The following AARSD1 variants were observed in gnomAD, a reference collection of about 807,000 sequenced individuals.
AARSD1 encodes alanyl-tRNA synthetase domain containing 1, also known as alanyl-tRNA editing protein Aarsd1.
AARSD1 carries 44 observed loss-of-function variants against 48.7 expected under a neutral mutation model. The observed-to-expected ratio is 0.90, with a 90% CI of 0.71 to 1.16. The LOEUF (loss-of-function observed/expected upper bound fraction) is 1.16, where lower values mean the gene tolerates loss of function less well. Among genes scored for constraint, AARSD1 ranks in the 50% most tolerant of loss-of-function variants. AARSD1 has a pLI of 0.00. For synonymous variants in AARSD1, 189 were observed against 194.9 expected (o/e 0.97, Z 0.25); for missense variants, 511 against 523.1 (o/e 0.98, Z 0.23).
In AARSD1 at chr17:42,950,576, G is replaced by A. The variant is rs1187563930; in HGVS notation, c.*17C>T. The A allele has an allele frequency of 1.9e-6, 3 of 1,582,450 alleles. No homozygotes were observed. Among genetic ancestry groups the A allele is most frequent in the East Asian group, 4.5e-5 (2 of 44,268 alleles). On this transcript the variant is annotated 3_prime_UTR_variant, in exon 12 of 12. Coordinates refer to ENST00000427569, the MANE Select transcript of AARSD1 (RefSeq NM_001261434.2). ...CAAAAGATTCCTGTGGAAACAGGAG[G>A]TGAGTGCCCTAAGCCCTCACTCCTT...
intron 2 of AARSD1, among the ~76,000 whole-genome samples, chr17:42,962,985 T>C (rs1158217336): frequency 6.6e-6 from 1 of 152,116 alleles, no homozygotes; most frequent in Non-Finnish European, 1.5e-5. Flanking sequence ...ATCAGGCCAC[T>C]GCACTCCAGC....
intron 3 of AARSD1, among the ~76,000 whole-genome samples, chr17:42,960,098 G>A (rs977088981): frequency 3.2e-4 from 49 of 151,928 alleles, no homozygotes; most frequent in Middle Eastern, 6.8e-3. Flanking sequence ...GTGAAACACC[G>A]TCTCTACTAA....
At chr17:42,959,665 T>C (rs958297767) in intron 3 of AARSD1, among the ~76,000 whole-genome samples, 5 of 150,936 alleles carry the variant, frequency 3.3e-5, no homozygotes, top group Admixed American at 3.3e-4. Context: ...GCCATTTCTC[T>C]TTTCTTTTTT....
Position 42,956,479 on chromosome 17 carries a change from G to T in AARSD1, c.471C>A (p.Ser157Arg). The change falls in exon 5 of 12, where the codon AGC becomes AGA. Residue 157 changes from serine (S) to arginine (R), a missense_variant. Transcript: ENST00000427569. ...TAEQVAAIEQ[S>R]VNEKIRDRLP... ...GCCGATCTCTGATTTTTTCATTGAC[G>T]CTCTGCTCAATGGCAGCTACTTGCT... 1 of 1,613,862 alleles carries T rather than the reference G, an allele frequency of 6.2e-7. No individual in the cohort carries two copies.
intron 3 of AARSD1, 80 bp from the exon 4 acceptor site, chr17:42,957,275 T>C (rs2049571472): frequency 1.9e-6 from 3 of 1,569,860 alleles, no homozygotes; most frequent in African/African-American, 1.4e-5. Flanking sequence ...GCTACAATGA[T>C]AAAAGCACAG....
intron 6 of AARSD1, 42 bp downstream of exon 6, chr17:42,956,162 C>A: frequency 3.1e-6 from 5 of 1,613,520 alleles, no homozygotes; most frequent in Non-Finnish European, 4.2e-6. Context: ...CCCTCTCCCC[C>A]AATCCCTCTT....
rs1389847422 is a variant in AARSD1 at position 42,950,545 on chromosome 17, A to G, written c.*48T>C. ...CAACCATTCTGAGTCAATCTATTTT[A>G]TTGACCAAAAGATTCCTGTGGAAAC... is the stretch of plus-strand genomic sequence containing the variant. On this transcript the variant is annotated 3_prime_UTR_variant, in exon 12 of 12. Coordinates refer to ENST00000427569, the MANE Select transcript of AARSD1 (RefSeq NM_001261434.2). 2 of 1,562,380 alleles carry G rather than the reference A, an allele frequency of 1.3e-6. No individual in the cohort carries two copies. The highest frequency in any genetic ancestry group is 2.3e-5 in the East Asian group (1 of 44,020).
At chr17:42,960,753 C>T (rs758556949) in intron 3 of AARSD1, among the ~76,000 whole-genome samples, 2 of 149,302 alleles carry the variant, frequency 1.3e-5, no homozygotes, top group Admixed American at 1.3e-4. Flanking sequence ...AAGAAACCAA[C>T]AGGACTCAGT....
intron 3 of AARSD1, among the ~76,000 whole-genome samples, chr17:42,958,720 G>A (rs185378630): frequency 5.7e-4 from 86 of 149,834 alleles, no homozygotes; most frequent in African/African-American, 2.0e-3. Context: ...ACAGGTGCAC[G>A]CCACCATGCC....
At chr17:42,960,221 T>C (rs1260209159) in intron 3 of AARSD1, among the ~76,000 whole-genome samples, 2 of 150,552 alleles carry the variant, frequency 1.3e-5, no homozygotes, top group Non-Finnish European at 3.0e-5. Flanking sequence ...TGAGCCGAGA[T>C]CATGCCATTG....
intron 10 of AARSD1, among the ~76,000 whole-genome samples, chr17:42,952,435 A>G (rs545469431): frequency 4.2e-4 from 64 of 152,334 alleles, no homozygotes; most frequent in Non-Finnish European, 6.2e-4. Context: ...TTCTGTCTAT[A>G]CAGAAGAATT....
chr17:42,957,376 T>A (rs1240377046), intron 3 of AARSD1, 181 bp from the exon 4 acceptor site: 2 of 614,010 alleles, frequency 3.3e-6, no homozygotes, highest in Non-Finnish European at 5.3e-6. Context: ...CAAGAGGCCT[T>A]ATGATACCAT....
rs1412060932 is a variant in AARSD1, at chr17:42,964,397, C to T, written c.39+5G>A. The T allele has an allele frequency of 1.3e-6, 2 of 1,552,076 alleles. No individual in the cohort carries two copies. The highest frequency in any genetic ancestry group is 8.7e-7 in the Non-Finnish European group (1 of 1,147,732). Reference sequence around the variant, plus strand: ...AGTCTCAAGTGCCTCGCCGTGACGCCGTACCTCTCGGGCATAACTGTCACG... The same window carrying T: ...AGTCTCAAGTGCCTCGCCGTGACGCTGTACCTCTCGGGCATAACTGTCACG... On this transcript the variant is annotated splice_donor_5th_base_variant and intron_variant, in intron 1 of 11. Transcript: ENST00000427569.
chr17:42,954,724 C>T (rs567459867), intron 9 of AARSD1, 152 bp downstream of exon 9: 9 of 808,256 alleles, frequency 1.1e-5, no homozygotes, highest in African/African-American at 3.5e-5. Context: ...TGAGCCACCG[C>T]GCCCGGCCAG....
intron 3 of AARSD1, among the ~76,000 whole-genome samples, chr17:42,959,196 CAAAA>C (rs1196945159): frequency 1.7e-5 from 1 of 59,960 alleles, no homozygotes. Context: ...GACTTTGTCT[CAAAA>C]AAAAAAAAAA....
chr17:42,960,453 G>C (rs906505280), intron 3 of AARSD1, among the ~76,000 whole-genome samples: 8 of 151,724 alleles, frequency 5.3e-5, no homozygotes, highest in African/African-American at 1.9e-4. Flanking sequence ...CCAACATGCT[G>C]GGGGGGTGTG....
At chr17:42,952,529 G>A (rs2049493219) in intron 10 of AARSD1, among the ~76,000 whole-genome samples, 1 of 152,136 alleles carries the variant, frequency 6.6e-6, no homozygotes, top group African/African-American at 2.4e-5. Context: ...AGATAGTGGG[G>A]CATGGTGGCT....
chr17:42,951,091 G>C (rs1024075441), intron 11 of AARSD1, among the ~76,000 whole-genome samples: 4 of 152,178 alleles, frequency 2.6e-5, no homozygotes, highest in Non-Finnish European at 5.9e-5. Flanking sequence ...CCGGGAGGCA[G>C]AGGTTGCAGT....
intron 3 of AARSD1, 183 bp from the exon 4 acceptor site, chr17:42,957,378 T>G (rs1190947764): frequency 1.6e-6 from 1 of 635,112 alleles, no homozygotes; most frequent in Non-Finnish European, 2.5e-6. Flanking sequence ...AGAGGCCTTA[T>G]GATACCATTT....
Sources: allele counts gnomAD v4.1 joint callset (sites outside exome capture counted in the v4.1 genomes callset), GRCh38; gene constraint gnomAD v4.1.1; transcripts MANE v1.5; gene names NCBI Gene and HGNC (gene_info 2026-07-23, HGNC 2026-07-21).